CCSER1: variants seen among roughly 807,000 people sequenced by gnomAD.
CCSER1 encodes coiled-coil serine rich protein 1.
Under a neutral mutation model 82.0 loss-of-function variants are expected in CCSER1, and 41 were observed. The observed-to-expected ratio is 0.50, with a 90% confidence interval of 0.39 to 0.65. CCSER1 has a LOEUF of 0.65. CCSER1 is among the 30% of genes least tolerant of loss of function. The pLI is 0.00. For synonymous variants in CCSER1, 414 were observed against 383.9 expected (o/e 1.08, Z -0.92); for missense variants, 1,119 against 1,064.2 (o/e 1.05, Z -0.72).
intron 4 of CCSER1, among the ~76,000 whole-genome samples, chr4:90,432,096 A>G (rs1268814964): frequency 1.3e-5 from 2 of 152,136 alleles, no homozygotes; most frequent in African/African-American, 4.8e-5. Flanking sequence ...ATAGTCCTGA[A>G]AAATACTGTT....
Position 90,648,257 on chromosome 4 carries a change from G to GA in CCSER1, c.1932+20027dup, listed in dbSNP as rs1553969601. Among the ~76,000 whole-genome samples the GA allele has an allele frequency of 9.0e-3, 758 of 83,850 alleles. 11 individuals are homozygous for GA. Among genetic ancestry groups the GA allele is most frequent in the African/African-American group, 0.032 (719 of 22,486 alleles). The allele number at this position is 83,850 out of a possible 152,430, so 55.0% of individuals were successfully genotyped here. A position where few individuals can be genotyped will look rare whatever the true frequency, so the allele number is the denominator to read the frequency against. The stretch of plus-strand genomic sequence containing the variant: ...AAATGAGAGGAATAAAGGAAAAAAA[G>GA]AAGAAAGAAAGAGAGAGAGAAAGAA... On this transcript the variant is annotated intron_variant, in intron 6 of 10. Transcript: ENST00000509176.
intron 7 of CCSER1, among the ~76,000 whole-genome samples, chr4:90,765,955 T>G (rs541391292): frequency 6.6e-6 from 1 of 152,246 alleles, no homozygotes; most frequent in East Asian, 1.9e-4. Context: ...TTAAGAAATT[T>G]ATGACTGTCA....
chr4:90,584,511 GT>G (rs1240666874), intron 5 of CCSER1, among the ~76,000 whole-genome samples: 6 of 152,124 alleles, frequency 3.9e-5, no homozygotes, highest in African/African-American at 1.4e-4. Context: ...TTTGGGCCTT[GT>G]GATACTTTGA....
chr4:90,811,995 C>CACACACATATATATATATAT (rs367800484), intron 7 of CCSER1, among the ~76,000 whole-genome samples: 1 of 142,778 alleles, frequency 7.0e-6, no homozygotes, highest in Non-Finnish European at 1.5e-5. Context: ...TATATAAACA[C>CACACACATATATATATATAT]ATATATATAT....
chr4:90,701,743 T>TGGGA lies in CCSER1; in HGVS notation c.1933-22169_1933-22166dup, dbSNP rs572579852. On this transcript the variant is annotated intron_variant, in intron 6 of 10. Coordinates refer to ENST00000509176, the MANE Select transcript of CCSER1 (RefSeq NM_001145065.2). ...TTATTCTCTTTGAAGCAATTGTGAATGGGAGTTCACTCATGATTTGGCTCT... is the reference window on the plus strand; with the variant it reads ...TTATTCTCTTTGAAGCAATTGTGAATGGGAGGGAGTTCACTCATGATTTGGCTCT... 1.8e-4 allele frequency among the ~76,000 whole-genome samples: 27 copies of TGGGA among 152,346 alleles called. 1 individual carries two copies. Among genetic ancestry groups the TGGGA allele is most frequent in the African/African-American group, 6.5e-4 (27 of 41,584 alleles).
At chr4:91,147,302 C>A (rs1231739393) in intron 10 of CCSER1, among the ~76,000 whole-genome samples, 1 of 152,180 alleles carries the variant, frequency 6.6e-6, no homozygotes, top group Non-Finnish European at 1.5e-5. Flanking sequence ...CTCCCCCAAT[C>A]CAGTGAGTCT....
At chr4:90,215,625 T>C (rs1740867798) in intron 1 of CCSER1, among the ~76,000 whole-genome samples, 1 of 152,168 alleles carries the variant, frequency 6.6e-6, no homozygotes, top group Non-Finnish European at 1.5e-5. Flanking sequence ...ATTTGACAGA[T>C]AAAATATACA....
intron 4 of CCSER1, among the ~76,000 whole-genome samples, chr4:90,406,220 A>G (rs1203537443): frequency 6.6e-6 from 1 of 152,216 alleles, no homozygotes; most frequent in Non-Finnish European, 1.5e-5. Flanking sequence ...CTATTATTAT[A>G]CCAGACAAAG....
intron 1 of CCSER1, among the ~76,000 whole-genome samples, chr4:90,269,890 A>T (rs1246584256): frequency 2.6e-5 from 4 of 152,114 alleles, no homozygotes; most frequent in Admixed American, 6.5e-5. Flanking sequence ...GGTTACTTTG[A>T]GGAACTATAT....
At chr4:90,607,669 T>G (rs545463786) in intron 5 of CCSER1, among the ~76,000 whole-genome samples, 154 of 152,346 alleles carry the variant, frequency 1.0e-3, no homozygotes, top group African/African-American at 3.6e-3. Flanking sequence ...TGTGTTGACC[T>G]TATCTTAACT....
At position 91,267,144 on chromosome 4, in the gene CCSER1, GTAAAGGCAGGCT is replaced by G. The variant is rs369637802; in HGVS notation, c.2217+181152_2217+181163del. ...AGTGGTAGGTAAAGTTAAAAAGTAG[GTAAAGGCAGGCT>G]TGTAGCACACCTGTGGATCCAGCAA... is the stretch of plus-strand genomic sequence containing the variant. On this transcript the variant is annotated intron_variant, in intron 10 of 10. Coordinates refer to ENST00000509176, the MANE Select transcript of CCSER1 (RefSeq NM_001145065.2). Among the ~76,000 whole-genome samples the G allele has an allele frequency of 1.8e-3, 275 of 152,256 alleles. 4 individuals carry two copies. Among genetic ancestry groups the G allele is most frequent in the African/African-American group, 6.3e-3 (262 of 41,544 alleles).
At chr4:91,356,951 G>C (rs1456782089) in intron 10 of CCSER1, among the ~76,000 whole-genome samples, 1 of 152,102 alleles carries the variant, frequency 6.6e-6, no homozygotes, top group Non-Finnish European at 1.5e-5. Flanking sequence ...CACCTTAGTG[G>C]AAGGGGGACA....
chr4:91,059,343 G>A (rs1407290948), intron 9 of CCSER1, among the ~76,000 whole-genome samples: 1 of 149,440 alleles, frequency 6.7e-6, no homozygotes, highest in Non-Finnish European at 1.5e-5. Context: ...ATATATATGT[G>A]TATATATACA....
In CCSER1 at chr4:90,136,950, G is replaced by A. The variant is rs562625282; in HGVS notation, c.-42+9119G>A. 2.0e-5 allele frequency among the ~76,000 whole-genome samples: 3 copies of A among 152,190 alleles called. No individual in the cohort carries two copies. In the East Asian group the frequency reaches 5.8e-4, roughly 29 times the overall value. ...ATAAATTAAGAATAACTTATTTCAG[G>A]TAAAGTTTCAATATATTTTAGAGGT... On this transcript the variant is annotated intron_variant, in intron 1 of 10. Transcript: ENST00000509176.
chr4:90,798,935 C>T, intron 7 of CCSER1, among the ~76,000 whole-genome samples: 1 of 152,156 alleles, frequency 6.6e-6, no homozygotes, highest in East Asian at 1.9e-4. Flanking sequence ...GTGGTGCCAG[C>T]CAAAGCATTT....
intron 10 of CCSER1, among the ~76,000 whole-genome samples, chr4:91,172,267 C>T (rs1159063680): frequency 6.6e-6 from 1 of 151,976 alleles, no homozygotes; most frequent in African/African-American, 2.4e-5. Flanking sequence ...TAGGGATATA[C>T]ATATTGTTAA....
At chr4:90,410,016 G>C (rs1031616260) in intron 4 of CCSER1, among the ~76,000 whole-genome samples, 2 of 152,050 alleles carry the variant, frequency 1.3e-5, no homozygotes, top group African/African-American at 2.4e-5. Flanking sequence ...AACCAACAAA[G>C]ATCAAAAGGG....
intron 1 of CCSER1, among the ~76,000 whole-genome samples, chr4:90,261,272 A>G (rs1346817222): frequency 1.3e-5 from 2 of 151,360 alleles, no homozygotes; most frequent in African/African-American, 2.4e-5. Context: ...AACTTTTAGC[A>G]TTTTTCGTAG....
intron 8 of CCSER1, among the ~76,000 whole-genome samples, chr4:90,853,346 A>G (rs1764096567): frequency 6.6e-6 from 1 of 152,108 alleles, no homozygotes; most frequent in Non-Finnish European, 1.5e-5. Flanking sequence ...AATCTTTGGA[A>G]AAAGAGGAAC....
Sources: gnomAD v4.1 joint callset for allele counts (sites outside exome capture counted in the v4.1 genomes callset) on GRCh38, gnomAD v4.1.1 for gene constraint, MANE v1.5 for transcripts, NCBI Gene and HGNC (gene_info 2026-07-23, HGNC 2026-07-21) for gene names.